Variants in EBF3 observed in about 807,000 individuals in gnomAD.
The protein encoded by EBF3 is transcription factor COE3.
A neutral mutation model predicts 77.1 loss-of-function variants in EBF3; 18 were observed. The observed-to-expected ratio is 0.23, with a 90% CI of 0.16 to 0.35. EBF3 has a LOEUF of 0.35. Ranked by LOEUF, EBF3 falls within the 10% of genes least tolerant of loss-of-function variation. EBF3 has a pLI of 1.00. For missense variants in EBF3, 558 were observed against 860.0 expected, an observed-to-expected ratio of 0.65 and a Z score of 4.39; for synonymous variants, 350 against 343.5, an observed-to-expected ratio of 1.02 and a Z score of -0.21.
Position 129,943,105 on chromosome 10 carries a change from C to T in EBF3, c.554+14153G>A, listed in dbSNP as rs2134504781. Among the ~76,000 whole-genome samples the T allele has an allele frequency of 6.6e-6, 1 of 152,350 alleles. No individual in the cohort carries two copies. The highest frequency in any genetic ancestry group is 2.1e-4 in the South Asian group (1 of 4,828). ...CTGCACGATGGGAATGACTGGATCA[C>T]TCCACCGGCTGCTCAAGAAGCCAAC... On this transcript the variant is annotated intron_variant, in intron 6 of 16. Transcript: ENST00000440978. This position sits in a 1 kb window ranked among gnomAD's most constrained non-coding sequence, Gnocchi z 8.8.
At chr10:129,893,281 C>A (rs1008326657) in intron 6 of EBF3, among the ~76,000 whole-genome samples, 1 of 152,194 alleles carries the variant, frequency 6.6e-6, no homozygotes, top group Non-Finnish European at 1.5e-5. Flanking sequence ...GTTTGTCAAG[C>A]AAATTAAACA....
intron 10 of EBF3, among the ~76,000 whole-genome samples, chr10:129,866,910 T>A (rs1852057007): frequency 6.6e-6 from 1 of 152,142 alleles, no homozygotes; most frequent in Admixed American, 6.5e-5. Flanking sequence ...GGGAGAGAGG[T>A]ACCGAAGGTC....
intron 6 of EBF3, among the ~76,000 whole-genome samples, chr10:129,949,188 C>A (rs534615049): frequency 1.5e-4 from 23 of 152,320 alleles, no homozygotes; most frequent in African/African-American, 5.5e-4. Context: ...GTAATCCCAG[C>A]TACTCGGTAG....
At chr10:129,956,976 A>T (rs1859083504) in intron 6 of EBF3, among the ~76,000 whole-genome samples, 1 of 152,250 alleles carries the variant, frequency 6.6e-6, no homozygotes, top group Admixed American at 6.5e-5. Flanking sequence ...TTAAAGCCAG[A>T]AACTCTCTAG....
At position 129,840,297 on chromosome 10, in the gene EBF3, G is replaced by T; in HGVS notation, c.1707C>A (p.Pro569=). 1 of 1,595,690 alleles carries T rather than the reference G, an allele frequency of 6.3e-7. No individual in the cohort carries two copies. Residue 569 remains proline (P), a synonymous_variant, in exon 15 of 17, where the codon CCC becomes CCA. Coordinates refer to ENST00000440978, the MANE Select transcript of EBF3 (RefSeq NM_001375380.1). ...QKSAFAPVVR[P]QASPPPSCTS... is the part of the protein sequence containing the mutation. ...TGCAGGAAGGAGGAGGAGAGGCTTGGGGCCGGACCACGGGCGCGAAGGCGC... is the reference window on the plus strand; with the variant it reads ...TGCAGGAAGGAGGAGGAGAGGCTTGTGGCCGGACCACGGGCGCGAAGGCGC...
At chr10:129,946,033 T>C (rs1410983374) in intron 6 of EBF3, among the ~76,000 whole-genome samples, 1 of 149,690 alleles carries the variant, frequency 6.7e-6, no homozygotes, top group African/African-American at 2.4e-5. Flanking sequence ...AAAAAAATCC[T>C]GTTCCTGGCT....
chr10:129,906,566 G>A (rs577186103), intron 6 of EBF3, among the ~76,000 whole-genome samples: 5 of 152,242 alleles, frequency 3.3e-5, no homozygotes, highest in African/African-American at 9.6e-5. Flanking sequence ...AGTCCCTATG[G>A]GACCAGAGGA....
intron 6 of EBF3, among the ~76,000 whole-genome samples, chr10:129,948,871 A>G (rs1489904635): frequency 6.6e-6 from 1 of 152,136 alleles, no homozygotes; most frequent in Non-Finnish European, 1.5e-5. Context: ...CTTCCTCCTG[A>G]CTATGGGATG....
chr10:129,923,986 T>G (rs920101371), intron 6 of EBF3, among the ~76,000 whole-genome samples: 1 of 152,178 alleles, frequency 6.6e-6, no homozygotes, highest in African/African-American at 2.4e-5. Flanking sequence ...GGAATAGCCG[T>G]TTGCCCAAAG....
At chr10:129,916,673 C>T (rs1297449198) in intron 6 of EBF3, among the ~76,000 whole-genome samples, 2 of 152,164 alleles carry the variant, frequency 1.3e-5, no homozygotes, top group African/African-American at 4.8e-5. Flanking sequence ...GAGTGTGACC[C>T]CAAATCTCCA....
chr10:129,912,906 C>T (rs1313475144), intron 6 of EBF3, among the ~76,000 whole-genome samples: 1 of 152,232 alleles, frequency 6.6e-6, no homozygotes, highest in East Asian at 1.9e-4. Context: ...GAAAGCAGTA[C>T]TGAGTGACAT....
At chr10:129,886,849 C>G (rs1325318621) in intron 6 of EBF3, among the ~76,000 whole-genome samples, 1 of 152,122 alleles carries the variant, frequency 6.6e-6, no homozygotes, top group African/African-American at 2.4e-5. Context: ...GTCTGTCCTT[C>G]TAACCGCTCC....
rs1023087413 is a variant in EBF3, at chr10:129,870,879, A to C, written c.781+2573T>G. The stretch of plus-strand genomic sequence containing the variant: ...CTGGTCCCATTAATCAGCCCTCCTG[A>C]GTAATATCACAGCATTTGTCACCTT... On this transcript the variant is annotated intron_variant, in intron 8 of 16. Transcript: ENST00000440978. This position sits in a 1 kb window ranked among gnomAD's most constrained non-coding sequence, Gnocchi z 4.4. 6.6e-6 allele frequency among the ~76,000 whole-genome samples: 1 copy of C among 152,154 alleles called. No homozygotes were observed. Among genetic ancestry groups the C allele is most frequent in the Non-Finnish European group, 1.5e-5 (1 of 68,026 alleles).
At chr10:129,936,593 C>T (rs534883782) in intron 6 of EBF3, among the ~76,000 whole-genome samples, 72 of 149,300 alleles carry the variant, frequency 4.8e-4, no homozygotes, top group Admixed American at 1.4e-3. Flanking sequence ...TATGGGGGAC[C>T]CTCGGTCTGT....
chr10:129,843,702 CAAGT>C (rs1850254154), intron 11 of EBF3, among the ~76,000 whole-genome samples: 1 of 152,238 alleles, frequency 6.6e-6, no homozygotes, highest in Non-Finnish European at 1.5e-5. Context: ...CCCAAATTTG[CAAGT>C]GAGTTCAGTG....
At position 129,952,172 on chromosome 10, in the gene EBF3, G is replaced by T. The variant is rs376870526; in HGVS notation, c.554+5086C>A. On this transcript the variant is annotated intron_variant, in intron 6 of 16. Coordinates refer to ENST00000440978, the MANE Select transcript of EBF3 (RefSeq NM_001375380.1). This position sits in a 1 kb window ranked among gnomAD's most constrained non-coding sequence, Gnocchi z 4.7. ...AGAGCATCTCCAATGCACAGCCTCC[G>T]CCAAGAGAGGATCTCCAGGACCCCA... Among the ~76,000 whole-genome samples, 10 of 152,254 alleles carry T rather than the reference G, an allele frequency of 6.6e-5. No homozygotes were observed. The highest frequency in any genetic ancestry group is 2.0e-4 in the Admixed American group (3 of 15,288).
chr10:129,890,056 T>C (rs761496286), intron 6 of EBF3, among the ~76,000 whole-genome samples: 2 of 140,604 alleles, frequency 1.4e-5, no homozygotes, highest in African/African-American at 2.6e-5. Flanking sequence ...CAGGGCACAC[T>C]CATGTGCCCG....
At position 129,867,765 on chromosome 10, in the gene EBF3, C is replaced by G. The variant is rs776807190; in HGVS notation, c.912+17G>C. 9.4e-6 allele frequency: 15 copies of G among 1,597,560 alleles called. No individual in the cohort carries two copies. Among genetic ancestry groups the G allele is most frequent in the South Asian group, 1.1e-5 (1 of 90,276 alleles). On this transcript the variant is annotated intron_variant, in intron 9 of 16. Coordinates refer to ENST00000440978, the MANE Select transcript of EBF3 (RefSeq NM_001375380.1). The stretch of plus-strand genomic sequence containing the variant: ...AAGACAGCAACAGCGCGAAGCTGAC[C>G]GAGTCCGCGGGCTTACCTCGCTCCA...
chr10:129,871,511 G>A (rs1033373422), intron 8 of EBF3, among the ~76,000 whole-genome samples: 1 of 152,112 alleles, frequency 6.6e-6, no homozygotes, highest in African/African-American at 2.4e-5. Flanking sequence ...ACAGATCTGC[G>A]GTTTTGGGGG....
Sources: allele counts gnomAD v4.1 joint callset (sites outside exome capture counted in the v4.1 genomes callset), GRCh38; gene constraint gnomAD v4.1.1; non-coding constraint Gnocchi (gnomAD v3.1); transcripts MANE v1.5; gene names NCBI Gene and HGNC (gene_info 2026-07-23, HGNC 2026-07-21).